The following GRID2 variants were observed in gnomAD, a reference collection of about 807,000 sequenced individuals.
GRID2 encodes glutamate receptor ionotropic, delta-2.
Under a neutral mutation model 114.8 loss-of-function variants are expected in GRID2, and 33 were observed. The observed-to-expected ratio is 0.29, with a 90% CI of 0.22 to 0.38. GRID2 has a LOEUF of 0.38. Ranked by LOEUF, GRID2 falls within the 10% of genes least tolerant of loss-of-function variation. GRID2 has a pLI of 1.00. For missense variants in GRID2, 1,184 were observed against 1,257.7 expected (o/e 0.94, Z 0.89); for synonymous variants, 505 against 449.9 (o/e 1.12, Z -1.55).
At chr4:92,356,702 C>G (rs1728343463) in intron 1 of GRID2, among the ~76,000 whole-genome samples, 1 of 151,620 alleles carries the variant, frequency 6.6e-6, no homozygotes, top group Non-Finnish European at 1.5e-5. Flanking sequence ...AATATATTGT[C>G]TACTGTGTTT....
chr4:92,959,716 G>C (rs1003084043), intron 2 of GRID2, among the ~76,000 whole-genome samples: 1 of 152,046 alleles, frequency 6.6e-6, no homozygotes, highest in Non-Finnish European at 1.5e-5. Flanking sequence ...GGACATGGAT[G>C]AAGCTGGAAG....
chr4:93,060,754 T>C (rs1727708279), intron 2 of GRID2, among the ~76,000 whole-genome samples: 1 of 152,210 alleles, frequency 6.6e-6, no homozygotes, highest in Admixed American at 6.5e-5. Flanking sequence ...GAAGCCAATT[T>C]GGCTAGTTAA....
intron 2 of GRID2, among the ~76,000 whole-genome samples, chr4:92,899,259 T>C (rs754874149): frequency 1.3e-5 from 2 of 152,178 alleles, no homozygotes; most frequent in African/African-American, 4.8e-5. Context: ...TAAATCTGTC[T>C]TTTGTTTTCC....
At chr4:92,628,194 G>A (rs1730615688) in intron 2 of GRID2, among the ~76,000 whole-genome samples, 1 of 152,084 alleles carries the variant, frequency 6.6e-6, no homozygotes, top group Non-Finnish European at 1.5e-5. Context: ...TCATTAGCCA[G>A]CAGGAGAAGG....
intron 13 of GRID2, among the ~76,000 whole-genome samples, chr4:93,597,035 G>T (rs955565280): frequency 1.3e-5 from 2 of 152,188 alleles, no homozygotes; most frequent in Admixed American, 6.5e-5. Flanking sequence ...AAAATTATCA[G>T]TAGACAGTGA....
intron 2 of GRID2, among the ~76,000 whole-genome samples, chr4:92,924,644 G>A (rs1477290556): frequency 1.3e-5 from 2 of 152,076 alleles, no homozygotes; most frequent in African/African-American, 2.4e-5. Context: ...TATTTTTCTA[G>A]TTACATTCAC....
intron 2 of GRID2, among the ~76,000 whole-genome samples, chr4:92,898,370 AT>A (rs1013432842): frequency 4.6e-5 from 7 of 152,024 alleles, no homozygotes; most frequent in African/African-American, 7.2e-5. Context: ...AAATAACACT[AT>A]TTTTCCCAAT....
intron 1 of GRID2, among the ~76,000 whole-genome samples, chr4:92,412,042 C>T (rs540461142): frequency 1.3e-5 from 2 of 151,770 alleles, no homozygotes; most frequent in South Asian, 4.2e-4. Flanking sequence ...CTAGACTAAT[C>T]CAATAACCAT....
rs566893012 is a variant in GRID2 at position 92,853,253 on chromosome 4, G to A, written c.245-231742G>A. 5.0e-4 allele frequency among the ~76,000 whole-genome samples: 76 copies of A among 151,996 alleles called. No individual in the cohort carries two copies. In the East Asian group the frequency reaches 0.013, roughly 26 times the overall value. ...ATATGACTCAGGAAGTGCCAAAGTG[G>A]ATTATTAAAGGAATGTCAAATAAAT... On this transcript the variant is annotated intron_variant, in intron 2 of 15. Coordinates refer to ENST00000282020, the MANE Select transcript of GRID2 (RefSeq NM_001510.4).
At chr4:93,180,191 A>G (rs544120828) in intron 4 of GRID2, among the ~76,000 whole-genome samples, 1 of 152,134 alleles carries the variant, frequency 6.6e-6, no homozygotes, top group African/African-American at 2.4e-5. Context: ...ATACAGGCAT[A>G]TTTTGGAGAC....
At chr4:92,989,004 G>A (rs1384707820) in intron 2 of GRID2, among the ~76,000 whole-genome samples, 1 of 151,992 alleles carries the variant, frequency 6.6e-6, no homozygotes, top group Non-Finnish European at 1.5e-5. Flanking sequence ...CCCTGGCCAG[G>A]TGCAGTGGCT....
At chr4:92,578,900 C>G (rs1728039498) in intron 1 of GRID2, among the ~76,000 whole-genome samples, 1 of 152,170 alleles carries the variant, frequency 6.6e-6, no homozygotes, top group South Asian at 2.1e-4. Context: ...ATCGAGGTCA[C>G]TGTAAATTTT....
intron 8 of GRID2, among the ~76,000 whole-genome samples, chr4:93,344,231 G>T (rs1161120572): frequency 6.6e-6 from 1 of 152,036 alleles, no homozygotes. Flanking sequence ...ACACTGTCAT[G>T]AATGGGGTAT....
intron 1 of GRID2, among the ~76,000 whole-genome samples, chr4:92,412,938 G>C (rs919314451): frequency 6.6e-6 from 1 of 152,188 alleles, no homozygotes; most frequent in Admixed American, 6.5e-5. Context: ...GTCCAAGGGA[G>C]CATTCCTTTG....
chr4:92,932,225 A>G (rs947222751), intron 2 of GRID2, among the ~76,000 whole-genome samples: 2 of 151,470 alleles, frequency 1.3e-5, no homozygotes, highest in African/African-American at 4.8e-5. Context: ...TATGAAAAAA[A>G]CAACACATTA....
Position 93,771,955 on chromosome 4 carries a change from AT to A in GRID2, c.2602-118del, listed in dbSNP as rs1734142923. The A allele has an allele frequency of 7.8e-6, 5 of 640,326 alleles. No homozygotes were observed. The South Asian group carries it at 9.7e-5, about 12-fold the overall frequency. The allele number at this position is 640,326 out of a possible 1,614,324, so 39.7% of individuals were successfully genotyped here. ...GGCTCATACTAGGTGCTCAATAAAT[AT>A]TTGTTAAATGAATAAACCCCAAAGT... On this transcript the variant is annotated intron_variant, in intron 15 of 15. Transcript: ENST00000282020.
chr4:92,555,117 A>C (rs573001778), intron 1 of GRID2, among the ~76,000 whole-genome samples: 95 of 152,284 alleles, frequency 6.2e-4, no homozygotes, highest in African/African-American at 2.2e-3. Flanking sequence ...AGTACCATAA[A>C]ATATTAAATA....
intron 1 of GRID2, among the ~76,000 whole-genome samples, chr4:92,496,905 A>G (rs1194530217): frequency 1.3e-5 from 2 of 151,660 alleles, no homozygotes; most frequent in Non-Finnish European, 3.0e-5. Context: ...ACTTTCAAAT[A>G]TTGTCTTTTT....
intron 3 of GRID2, among the ~76,000 whole-genome samples, chr4:93,097,494 A>G (rs1731324217): frequency 1.3e-5 from 2 of 151,976 alleles, no homozygotes; most frequent in Non-Finnish European, 2.9e-5. Flanking sequence ...AAAGTATATT[A>G]GAATCTCTAG....
Sources: gnomAD v4.1 joint callset for allele counts (sites outside exome capture counted in the v4.1 genomes callset) on GRCh38, gnomAD v4.1.1 for gene constraint, MANE v1.5 for transcripts, NCBI Gene and HGNC (gene_info 2026-07-23, HGNC 2026-07-21) for gene names.